Variants in MSRB3 observed in about 807,000 individuals in gnomAD.
MSRB3 encodes the protein methionine-R-sulfoxide reductase B3.
Under a neutral mutation model 21.0 loss-of-function variants are expected in MSRB3, and 13 were observed. The ratio of observed to expected loss-of-function variants is 0.62; its 90% CI spans 0.40 to 0.98. The LOEUF (loss-of-function observed/expected upper bound fraction) is 0.98. MSRB3 is among the 50% of genes least tolerant of loss of function. The pLI, the probability that MSRB3 is intolerant of heterozygous loss-of-function variation, is 0.00. For missense variants in MSRB3, 199 were observed against 230.3 expected, an observed-to-expected ratio of 0.86 and a Z score of 0.88; for synonymous variants, 87 against 88.6, an observed-to-expected ratio of 0.98 and a Z score of 0.10.
intron 5 of MSRB3, among the ~76,000 whole-genome samples, chr12:65,432,376 A>G (rs751443476): frequency 1.4e-4 from 21 of 152,008 alleles, no homozygotes; most frequent in Non-Finnish European, 2.8e-4. Flanking sequence ...TGTGGCAAGG[A>G]AAGATGAATG....
intron 4 of MSRB3, among the ~76,000 whole-genome samples, chr12:65,366,414 G>T (rs1176724337): frequency 6.6e-6 from 1 of 152,170 alleles, no homozygotes; most frequent in African/African-American, 2.4e-5. Context: ...GATGCTGGTA[G>T]TCAGAGATTC....
intron 2 of MSRB3, among the ~76,000 whole-genome samples, chr12:65,311,463 A>G (rs1356220853): frequency 6.6e-6 from 1 of 152,062 alleles, no homozygotes; most frequent in Non-Finnish European, 1.5e-5. Flanking sequence ...ATCATCATCA[A>G]TTTCTCTAAC....
At chr12:65,428,453 T>C (rs187411108) in intron 5 of MSRB3, among the ~76,000 whole-genome samples, 250 of 152,314 alleles carry the variant, frequency 1.6e-3, no homozygotes, top group African/African-American at 5.6e-3. Flanking sequence ...TACTCTGCCA[T>C]TGTGGTTACA....
At chr12:65,447,192 A>C (rs1353735421) in intron 5 of MSRB3, among the ~76,000 whole-genome samples, 1 of 152,184 alleles carries the variant, frequency 6.6e-6, no homozygotes. Context: ...CTTGCTAAGG[A>C]TACAAACCCA....
At chr12:65,330,358 A>G (rs1875331454) in intron 4 of MSRB3, among the ~76,000 whole-genome samples, 1 of 152,130 alleles carries the variant, frequency 6.6e-6, no homozygotes, top group Non-Finnish European at 1.5e-5. Context: ...GAGAGCTTTT[A>G]TTTTCCACAT....
chr12:65,346,046 T>C lies in MSRB3; in HGVS notation c.263+17443T>C, dbSNP rs560969943. On this transcript the variant is annotated intron_variant, in intron 4 of 6. Coordinates refer to ENST00000308259, the MANE Select transcript of MSRB3 (RefSeq NM_001031679.3). ...TGTGAATAGTGCCACAGTAAACATATGTGTGCATGTGTCTTTATAGCAGCA... is the reference window on the plus strand; with the variant it reads ...TGTGAATAGTGCCACAGTAAACATACGTGTGCATGTGTCTTTATAGCAGCA... Among the ~76,000 whole-genome samples, 8 of 152,214 alleles carry C rather than the reference T, an allele frequency of 5.3e-5. No individual in the cohort carries two copies. The South Asian group carries it at 6.2e-4, about 12-fold the overall frequency.
At chr12:65,444,291 G>A (rs1882515419) in intron 5 of MSRB3, among the ~76,000 whole-genome samples, 1 of 152,078 alleles carries the variant, frequency 6.6e-6, no homozygotes, top group African/African-American at 2.4e-5. Context: ...GTCATTTAAG[G>A]CATTACAGCC....
At chr12:65,413,602 G>C (rs924978583) in intron 5 of MSRB3, among the ~76,000 whole-genome samples, 4 of 151,926 alleles carry the variant, frequency 2.6e-5, no homozygotes, top group Non-Finnish European at 5.9e-5. Flanking sequence ...TATTTTTTCA[G>C]TGCTTTACTA....
At chr12:65,376,107 A>G (rs1423055734) in intron 5 of MSRB3, among the ~76,000 whole-genome samples, 1 of 147,464 alleles carries the variant, frequency 6.8e-6, no homozygotes, top group East Asian at 2.0e-4. Flanking sequence ...AGTGAAAGGA[A>G]TGAGTTTGTA....
intron 6 of MSRB3, 32 bp from the exon 7 acceptor site, chr12:65,463,123 C>CT: frequency 6.2e-7 from 1 of 1,613,358 alleles, no homozygotes; most frequent in Non-Finnish European, 8.5e-7. Flanking sequence ...TTTGTACATG[C>CT]TTTTCCCTGA....
At chr12:65,386,205 G>A (rs1190313602) in intron 5 of MSRB3, among the ~76,000 whole-genome samples, 1 of 151,692 alleles carries the variant, frequency 6.6e-6, no homozygotes, top group Non-Finnish European at 1.5e-5. Context: ...TCATTGTGCT[G>A]TAGTTCTTCT....
chr12:65,413,371 C>T (rs1880814430), intron 5 of MSRB3, among the ~76,000 whole-genome samples: 1 of 152,126 alleles, frequency 6.6e-6, no homozygotes, highest in Non-Finnish European at 1.5e-5. Context: ...GGTCAGCATC[C>T]TTCTTTGCTT....
rs150124525 is a variant in MSRB3 at position 65,307,735 on chromosome 12, C to G, written c.-51-794C>G. 3.1e-3 allele frequency among the ~76,000 whole-genome samples: 466 copies of G among 152,176 alleles called. 1 individual carries two copies. The highest frequency in any genetic ancestry group is 0.011 in the African/African-American group (451 of 41,532). On this transcript the variant is annotated intron_variant, in intron 1 of 6. Transcript: ENST00000308259. ...CTTCCACATAATTCATTTCCAAAGA[C>G]ATTAAAAAACATTTTTACACTTTTT... is the stretch of plus-strand genomic sequence containing the variant.
At chr12:65,374,131 A>G (rs376731779) in intron 5 of MSRB3, among the ~76,000 whole-genome samples, 20 of 152,330 alleles carry the variant, frequency 1.3e-4, no homozygotes, top group African/African-American at 3.6e-4. Context: ...TAGCATGAGA[A>G]TATGTTGACA....
At position 65,325,139 on chromosome 12, in the gene MSRB3, T is replaced by C. The variant is rs17101255; in HGVS notation, c.77-1687T>C. 3.4e-3 allele frequency among the ~76,000 whole-genome samples: 519 copies of C among 152,338 alleles called. 1 individual carries two copies. The highest frequency in any genetic ancestry group is 0.014 in the Middle Eastern group (4 of 294). On this transcript the variant is annotated intron_variant, in intron 2 of 6. Transcript: ENST00000308259. ...CAGAAACTCACCTATCACTGTTGACTGATTATTTAAGAAAGAGCCACTTTG... is the reference window on the plus strand; with the variant it reads ...CAGAAACTCACCTATCACTGTTGACCGATTATTTAAGAAAGAGCCACTTTG...
At chr12:65,419,035 ACCTC>A in intron 5 of MSRB3, 1 of 708,532 alleles carries the variant, frequency 1.4e-6, no homozygotes, top group Non-Finnish European at 2.6e-6. Context: ...CCAGGCCTCC[ACCTC>A]CCTCAGGCTG....
chr12:65,338,574 A>G (rs1393308306), intron 4 of MSRB3, among the ~76,000 whole-genome samples: 1 of 152,228 alleles, frequency 6.6e-6, no homozygotes, highest in Non-Finnish European at 1.5e-5. Flanking sequence ...GTCACAAAAA[A>G]TAGGATCAAC....
chr12:65,284,476 G>A (rs1872225223), intron 1 of MSRB3: 1 of 152,236 alleles, frequency 6.6e-6, no homozygotes, highest in African/African-American at 2.4e-5. Context: ...GAGAGAATGT[G>A]ATCTCAGCAG....
intron 4 of MSRB3, among the ~76,000 whole-genome samples, chr12:65,351,581 A>C (rs1255485151): frequency 4.0e-5 from 6 of 150,020 alleles, no homozygotes; most frequent in Middle Eastern, 3.4e-3. Context: ...CTAATAAAGA[A>C]AAAAAGAGAG....
Sources: gnomAD v4.1 joint callset for allele counts (sites outside exome capture counted in the v4.1 genomes callset) on GRCh38, gnomAD v4.1.1 for gene constraint, MANE v1.5 for transcripts, NCBI Gene and HGNC (gene_info 2026-07-23, HGNC 2026-07-21) for gene names.